The following ADGRL3 variants were observed in gnomAD, a reference collection of about 807,000 sequenced individuals.
The protein encoded by ADGRL3 is adhesion G protein-coupled receptor L3, also known as calcium-independent alpha-latrotoxin receptor 3.
ADGRL3 carries 62 observed loss-of-function variants against 153.5 expected under a neutral mutation model. The observed-to-expected ratio is 0.40, with a 90% CI of 0.33 to 0.50. The LOEUF (loss-of-function observed/expected upper bound fraction) is 0.50, where lower values mean the gene tolerates loss of function less well. Among genes scored for constraint, ADGRL3 ranks in the 20% least tolerant of loss-of-function variants. The pLI, the probability that ADGRL3 is intolerant of heterozygous loss-of-function variation, is 0.47. For missense variants in ADGRL3, 1,641 were observed against 1,859.4 expected, an observed-to-expected ratio of 0.88 and a Z score of 2.16; for synonymous variants, 710 against 672.5, an observed-to-expected ratio of 1.06 and a Z score of -0.86.
chr4:61,269,531 A>G (rs2093040339), intron 1 of ADGRL3, among the ~76,000 whole-genome samples: 2 of 151,628 alleles, frequency 1.3e-5, no homozygotes, highest in South Asian at 4.1e-4. Context: ...GTTTAAATTT[A>G]ATGGAACTGA....
intron 1 of ADGRL3, among the ~76,000 whole-genome samples, chr4:61,216,946 T>C (rs2148950062): frequency 6.6e-6 from 1 of 152,372 alleles, no homozygotes. Context: ...TAATTTTTCA[T>C]CAATTTGTTG....
At chr4:62,007,439 T>TAAACACACATATATATAC (rs1553908730) in intron 21 of ADGRL3, among the ~76,000 whole-genome samples, 1 of 124,060 alleles carries the variant, frequency 8.1e-6, no homozygotes, top group Non-Finnish European at 1.6e-5. Flanking sequence ...TATATATATA[T>TAAACACACATATATATAC]ACACACACAT....
At chr4:61,932,973 A>G (rs1452910623) in intron 13 of ADGRL3, among the ~76,000 whole-genome samples, 1 of 151,518 alleles carries the variant, frequency 6.6e-6, no homozygotes, top group East Asian at 1.9e-4. Flanking sequence ...CTCATCTTGT[A>G]TTTTTTTTAA....
At chr4:61,576,375 C>T (rs1478026117) in intron 4 of ADGRL3, among the ~76,000 whole-genome samples, 2 of 151,638 alleles carry the variant, frequency 1.3e-5, no homozygotes, top group Non-Finnish European at 2.9e-5. Flanking sequence ...GCTAGTCTAT[C>T]ACATCCTGAT....
chr4:61,387,620 A>C (rs1281127799), intron 2 of ADGRL3, among the ~76,000 whole-genome samples: 1 of 152,134 alleles, frequency 6.6e-6, no homozygotes, highest in Non-Finnish European at 1.5e-5. Context: ...TGAAAGAGAA[A>C]TACAGCTCTG....
intron 8 of ADGRL3, among the ~76,000 whole-genome samples, chr4:61,774,155 G>A (rs566969979): frequency 6.6e-6 from 1 of 152,060 alleles, no homozygotes; most frequent in East Asian, 1.9e-4. Flanking sequence ...AGGAGTTCAA[G>A]ACCAGCCTGC....
intron 2 of ADGRL3, among the ~76,000 whole-genome samples, chr4:61,432,634 CTTTCTTTCTTTCTTTCTTTCTT>C (rs1292394001): frequency 6.1e-5 from 2 of 32,586 alleles, no homozygotes; most frequent in African/African-American, 1.9e-4. Flanking sequence ...TTCTTTCTTT[CTTTCTTTCTTTCTTTCTTTCTT>C]TTTTTTTTTT....
intron 1 of ADGRL3, among the ~76,000 whole-genome samples, chr4:61,337,391 T>C (rs188352768): frequency 9.2e-5 from 14 of 152,278 alleles, no homozygotes; most frequent in Admixed American, 7.8e-4. Flanking sequence ...CTCCCACCCA[T>C]TACTTTGCAG....
intron 2 of ADGRL3, among the ~76,000 whole-genome samples, chr4:61,466,240 T>A (rs1041406208): frequency 7.9e-5 from 12 of 152,208 alleles, no homozygotes; most frequent in Non-Finnish European, 1.8e-4. Flanking sequence ...ACTACCTGTT[T>A]CCTTTCAATC....
At chr4:61,340,691 T>C (rs1181843291) in intron 1 of ADGRL3, among the ~76,000 whole-genome samples, 7 of 152,096 alleles carry the variant, frequency 4.6e-5, no homozygotes, top group African/African-American at 1.7e-4. Context: ...GCACAGACTT[T>C]TCCTTTAAAG....
At chr4:61,689,991 G>A (rs912070214) in intron 6 of ADGRL3, among the ~76,000 whole-genome samples, 3 of 152,102 alleles carry the variant, frequency 2.0e-5, no homozygotes, top group African/African-American at 4.8e-5. Flanking sequence ...ACACTTTTAT[G>A]TTCACTACAC....
chr4:61,456,360 G>T (rs147766403), intron 2 of ADGRL3, among the ~76,000 whole-genome samples: 6,362 of 124,912 alleles, frequency 0.051, 269 homozygotes, highest in East Asian at 0.24. Context: ...GATATATATA[G>T]AGATATAGAT....
At chr4:61,709,321 G>C (rs1299083311) in intron 6 of ADGRL3, among the ~76,000 whole-genome samples, 1 of 152,098 alleles carries the variant, frequency 6.6e-6, no homozygotes, top group Non-Finnish European at 1.5e-5. Context: ...TATGTAGTTA[G>C]TTGCCTAATT....
chr4:61,949,605 G>A (rs2150333774), intron 17 of ADGRL3, among the ~76,000 whole-genome samples: 1 of 152,062 alleles, frequency 6.6e-6, no homozygotes, highest in East Asian at 1.9e-4. Flanking sequence ...TGAGGCAGGA[G>A]GATCACTTGA....
chr4:61,278,656 A>G (rs1176930498), intron 1 of ADGRL3, among the ~76,000 whole-genome samples: 1 of 152,044 alleles, frequency 6.6e-6, no homozygotes, highest in Non-Finnish European at 1.5e-5. Flanking sequence ...GGCATGCACC[A>G]TCATGCCCAC....
chr4:61,857,142 G>A (rs896245995), intron 9 of ADGRL3, among the ~76,000 whole-genome samples: 2 of 148,020 alleles, frequency 1.4e-5, no homozygotes, highest in Admixed American at 6.8e-5. Context: ...ATCTTACCCA[G>A]GCTGGTCTCA....
At position 62,031,443 on chromosome 4, in the gene ADGRL3, T is replaced by C. The variant is rs1265783344; in HGVS notation, c.3424T>C (p.Ser1142Pro). The stretch of plus-strand genomic sequence containing the variant: ...CTTAATTTTCTCTTCTCTCTACAGG[T>C]CATGGGTTATAGGTGCAATAGCTCT... ...NYEDNRPFIK[S>P]WVIGAIALLC... is the part of the protein sequence containing the mutation. Residue 1142 changes from serine to proline, a missense_variant and splice_region_variant, in exon 23 of 27, where the codon TCA becomes CCA. Transcript: ENST00000683033. 1.2e-6 allele frequency: 2 copies of C among 1,606,718 alleles called. No homozygotes were observed. The highest frequency in any genetic ancestry group is 1.1e-5 in the South Asian group (1 of 90,416).
intron 4 of ADGRL3, among the ~76,000 whole-genome samples, chr4:61,548,058 G>C (rs1383437932): frequency 6.6e-6 from 1 of 151,930 alleles, no homozygotes; most frequent in African/African-American, 2.4e-5. Context: ...TTTTTCATAT[G>C]CTTGTTGGCT....
intron 4 of ADGRL3, among the ~76,000 whole-genome samples, chr4:61,559,900 C>T (rs763956139): frequency 3.3e-5 from 5 of 151,954 alleles, no homozygotes; most frequent in African/African-American, 1.2e-4. Context: ...TCTGTGTGAT[C>T]GTCACTCCCA....
Sources: allele counts gnomAD v4.1 joint callset (sites outside exome capture counted in the v4.1 genomes callset), GRCh38; gene constraint gnomAD v4.1.1; transcripts MANE v1.5; gene names NCBI Gene and HGNC (gene_info 2026-07-23, HGNC 2026-07-21).